Variants in ARB2A observed in about 807,000 individuals in gnomAD.
ARB2A encodes the protein ARB2 cotranscriptional regulator A.
chr5:93,634,538 T>A, the ARB2A span, among the ~76,000 whole-genome samples: 1 of 152,190 alleles, frequency 6.6e-6, no homozygotes, highest in South Asian at 2.1e-4. Context: ...AGCGACTAAT[T>A]GATAAACACT....
At chr5:93,747,798 C>T in the ARB2A span, among the ~76,000 whole-genome samples, 1 of 152,160 alleles carries the variant, frequency 6.6e-6, no homozygotes, top group Admixed American at 6.5e-5. Context: ...AGCCTCAGAA[C>T]TCTTGGCAGT....
chr5:93,949,868 T>C, the ARB2A span, among the ~76,000 whole-genome samples: 4 of 152,128 alleles, frequency 2.6e-5, no homozygotes, highest in Admixed American at 1.3e-4. Context: ...AATTATTAGC[T>C]GTTATTTATT....
At chr5:93,689,643 T>C in the ARB2A span, among the ~76,000 whole-genome samples, 1 of 152,138 alleles carries the variant, frequency 6.6e-6, no homozygotes, top group Non-Finnish European at 1.5e-5. Context: ...ATATTCAAAA[T>C]TATTTGTCTA....
At chr5:93,683,273 C>T in the ARB2A span, 5 of 1,595,066 alleles carry the variant, frequency 3.1e-6, no homozygotes, top group Admixed American at 8.3e-5. Flanking sequence ...TGGAACCTTG[C>T]TACCACCTCC....
chr5:93,776,098 A>G, the ARB2A span: 4 of 1,293,086 alleles, frequency 3.1e-6, no homozygotes, highest in African/African-American at 6.0e-5. Context: ...TCTACATTTC[A>G]TTAGCATATT....
chr5:93,792,864 TA>T, the ARB2A span, among the ~76,000 whole-genome samples: 33 of 151,564 alleles, frequency 2.2e-4, no homozygotes, highest in Non-Finnish European at 2.4e-4. Context: ...AATAAAAAAA[TA>T]AAAAAAAGAT....
At chr5:93,864,593 A>C in the ARB2A span, among the ~76,000 whole-genome samples, 2 of 152,114 alleles carry the variant, frequency 1.3e-5, no homozygotes, top group Admixed American at 6.5e-5. Flanking sequence ...CCTTATGTAA[A>C]AAAATTCTTA....
the ARB2A span, among the ~76,000 whole-genome samples, chr5:93,728,448 G>C: frequency 6.6e-6 from 1 of 152,044 alleles, no homozygotes; most frequent in African/African-American, 2.4e-5. Context: ...TTACTTAAGA[G>C]ATTGTCTTGT....
At chr5:94,083,578 A>G in the ARB2A span, among the ~76,000 whole-genome samples, 1 of 152,106 alleles carries the variant, frequency 6.6e-6, no homozygotes, top group South Asian at 2.1e-4. Context: ...CAACAAAATT[A>G]CTCTTAATGA....
the ARB2A span, among the ~76,000 whole-genome samples, chr5:93,785,245 A>C: frequency 1.1e-4 from 17 of 152,336 alleles, no homozygotes; most frequent in African/African-American, 4.1e-4. Context: ...GAAATGAAAA[A>C]AGGTTTTAAT....
At chr5:93,656,766 T>A in the ARB2A span, among the ~76,000 whole-genome samples, 2 of 152,140 alleles carry the variant, frequency 1.3e-5, no homozygotes, top group African/African-American at 4.8e-5. Flanking sequence ...GTTTTAAAAT[T>A]TGTTCAGGAT....
the ARB2A span, among the ~76,000 whole-genome samples, chr5:93,932,846 AAC>A: frequency 3.9e-5 from 6 of 152,200 alleles, no homozygotes; most frequent in African/African-American, 1.4e-4. Flanking sequence ...TTTAGTTGGA[AAC>A]ACAGAGAAGT....
the ARB2A span, among the ~76,000 whole-genome samples, chr5:94,093,100 G>C: frequency 6.6e-6 from 1 of 151,956 alleles, no homozygotes; most frequent in Non-Finnish European, 1.5e-5. Flanking sequence ...TGTTTGCTCA[G>C]TCATTTAAGA....
the ARB2A span, among the ~76,000 whole-genome samples, chr5:93,823,271 T>C: frequency 2.0e-5 from 3 of 152,242 alleles, no homozygotes; most frequent in Non-Finnish European, 2.9e-5. Context: ...TGTGATATTG[T>C]AATATTGCAT....
At chr5:93,958,025 T>C in the ARB2A span, among the ~76,000 whole-genome samples, 1 of 152,006 alleles carries the variant, frequency 6.6e-6, no homozygotes, top group African/African-American at 2.4e-5. Flanking sequence ...AAAATTGGGC[T>C]GTTCACTATG....
chr5:94,082,862 T>TA, the ARB2A span, among the ~76,000 whole-genome samples: 1 of 152,088 alleles, frequency 6.6e-6, no homozygotes, highest in African/African-American at 2.4e-5. Context: ...TATCTGATCT[T>TA]AAAAAAAGAG....
the ARB2A span, among the ~76,000 whole-genome samples, chr5:94,029,004 T>C: frequency 2.0e-5 from 3 of 151,886 alleles, no homozygotes; most frequent in African/African-American, 7.3e-5. Flanking sequence ...GAGGGAGTGT[T>C]TTGTTTTATT....
the ARB2A span, among the ~76,000 whole-genome samples, chr5:93,890,972 T>G: frequency 6.6e-6 from 1 of 152,134 alleles, no homozygotes. Context: ...AATTGCCCCA[T>G]GTCAAACTGT....
chr5:93,964,327 A>C, the ARB2A span: 1 of 615,116 alleles, frequency 1.6e-6, no homozygotes, highest in Non-Finnish European at 2.9e-6. Context: ...ATCGCTATCA[A>C]CACAATAAAC....
Sources: gnomAD v4.1 joint callset for allele counts (sites outside exome capture counted in the v4.1 genomes callset) on GRCh38, gnomAD v4.1.1 for gene constraint, MANE v1.5 for transcripts, NCBI Gene and HGNC (gene_info 2026-07-23, HGNC 2026-07-21) for gene names.